The following FA2H variants were observed in gnomAD, a reference collection of about 807,000 sequenced individuals.
The protein encoded by FA2H is fatty acid alpha-hydroxylase.
FA2H carries 22 observed loss-of-function variants against 44.9 expected under a neutral mutation model. The observed-to-expected ratio is 0.49, with a 90% CI of 0.35 to 0.70. The LOEUF (loss-of-function observed/expected upper bound fraction) is 0.70. Among genes scored for constraint, FA2H ranks in the 30% least tolerant of loss-of-function variants. The pLI, the probability that FA2H is intolerant of heterozygous loss-of-function variation, is 0.01. For synonymous variants in FA2H, 243 were observed against 213.2 expected (o/e 1.14, Z -1.22); for missense variants, 501 against 504.9 (o/e 0.99, Z 0.07).
chr16:74,721,600 G>A (rs1961841520), intron 4 of FA2H, among the ~76,000 whole-genome samples: 1 of 152,096 alleles, frequency 6.6e-6, no homozygotes, highest in African/African-American at 2.4e-5. Context: ...CACAGCTGTG[G>A]GTCTGGCACC....
intron 1 of FA2H, among the ~76,000 whole-genome samples, chr16:74,745,799 A>ATTTTTTTTTTTTTTTTTTTTTTTTTT (rs11365398): frequency 5.5e-5 from 4 of 72,430 alleles, no homozygotes; most frequent in Non-Finnish European, 5.6e-5. Flanking sequence ...CTGTCAATGG[A>ATTTTTTTTTTTTTTTTTTTTTTTTTT]TTTTTTTTTT....
At chr16:74,740,137 G>A (rs1468074939) in intron 1 of FA2H, 22 bp from the exon 2 acceptor site, 3 of 1,585,820 alleles carry the variant, frequency 1.9e-6, no homozygotes, top group Admixed American at 3.3e-5. Context: ...AGATACAAGA[G>A]GATTATACAC....
intron 1 of FA2H, 112 bp from the exon 2 acceptor site, chr16:74,740,227 G>A: frequency 1.2e-6 from 1 of 825,516 alleles, no homozygotes; most frequent in South Asian, 1.3e-5. Flanking sequence ...CGTGGGTGGG[G>A]CAGGGTGGTG....
chr16:74,750,806 TC>T (rs1962514505), intron 1 of FA2H, among the ~76,000 whole-genome samples: 3 of 145,704 alleles, frequency 2.1e-5, no homozygotes, highest in Non-Finnish European at 4.6e-5. Context: ...AGACAGGGTC[TC>T]GCTCTGTCAG....
intron 1 of FA2H, among the ~76,000 whole-genome samples, chr16:74,746,486 G>A (rs1021249671): frequency 6.6e-6 from 1 of 151,620 alleles, no homozygotes; most frequent in African/African-American, 2.4e-5. Flanking sequence ...GGCTTCCTAA[G>A]GTGCTAGGAT....
intron 1 of FA2H, among the ~76,000 whole-genome samples, chr16:74,749,963 T>G (rs1962500508): frequency 6.6e-6 from 1 of 152,324 alleles, no homozygotes; most frequent in East Asian, 1.9e-4. Context: ...GGCCAGAGCT[T>G]GTCAGGGTAA....
In FA2H at chr16:74,739,691, T is replaced by G. The variant is rs572602091; in HGVS notation, c.363+332A>C. On this transcript the variant is annotated intron_variant, in intron 2 of 6. Coordinates refer to ENST00000219368, the MANE Select transcript of FA2H (RefSeq NM_024306.5). The stretch of plus-strand genomic sequence containing the variant: ...CCTTGTGCCCTGGTCAAAATGGGCA[T>G]GTCTGGGCCTGCCAAGCCTGTCACA... Among the ~76,000 whole-genome samples, 290 of 152,298 alleles carry G rather than the reference T, an allele frequency of 1.9e-3. 1 individual carries two copies. Among genetic ancestry groups the G allele is most frequent in the African/African-American group, 6.8e-3 (284 of 41,576 alleles).
chr16:74,718,060 A>G (rs1432728555), intron 5 of FA2H, among the ~76,000 whole-genome samples: 1 of 152,148 alleles, frequency 6.6e-6, no homozygotes, highest in East Asian at 1.9e-4. Context: ...AAAGCCCCCT[A>G]GGATGCAGAT....
At chr16:74,758,505 TCTA>T (rs1962653939) in intron 1 of FA2H, among the ~76,000 whole-genome samples, 1 of 152,106 alleles carries the variant, frequency 6.6e-6, no homozygotes, top group African/African-American at 2.4e-5. Context: ...ATAGAAAAAA[TCTA>T]CTCTAATTTT....
intron 1 of FA2H, among the ~76,000 whole-genome samples, chr16:74,770,417 A>AC (rs1291703067): frequency 1.3e-5 from 2 of 152,202 alleles, no homozygotes; most frequent in South Asian, 4.1e-4. Flanking sequence ...TTGCTCTGTC[A>AC]CCCAGGCTGG....
intron 1 of FA2H, among the ~76,000 whole-genome samples, chr16:74,740,661 ATAATAAT>A (rs1159451406): frequency 5.1e-4 from 74 of 144,512 alleles, no homozygotes; most frequent in East Asian, 1.2e-3. Context: ...AATAATAATA[ATAATAAT>A]AAAATTTCTG....
At chr16:74,762,358 G>GA (rs1962730169) in intron 1 of FA2H, among the ~76,000 whole-genome samples, 1 of 151,476 alleles carries the variant, frequency 6.6e-6, no homozygotes, top group South Asian at 2.1e-4. Context: ...AATTTTTTTG[G>GA]AAAAACCACA....
intron 4 of FA2H, among the ~76,000 whole-genome samples, chr16:74,719,422 G>A (rs1961780710): frequency 6.6e-6 from 1 of 152,242 alleles, no homozygotes; most frequent in African/African-American, 2.4e-5. Context: ...GCTGTGGGAG[G>A]AGTGGCTGTG....
At chr16:74,727,109 T>G in intron 3 of FA2H, 135 bp downstream of exon 3, 1 of 1,228,490 alleles carries the variant, frequency 8.1e-7, no homozygotes. Context: ...CCATGGCATG[T>G]TCCTCCCTCC....
At position 74,739,982 on chromosome 16, in the gene FA2H, C is replaced by T. The variant is rs775421691; in HGVS notation, c.363+41G>A. The T allele has an allele frequency of 7.5e-6, 11 of 1,459,708 alleles. No homozygotes were observed. The South Asian group carries it at 1.2e-4, about 17-fold the overall frequency. The allele number at this position is 1,459,708 out of a possible 1,614,324, so 90.4% of individuals were successfully genotyped here. A position where few individuals can be genotyped will look rare whatever the true frequency, so the allele number is the denominator to read the frequency against. ...ACCCTCTTCCTCTCCTCATTCCCGCCAGCCCCCAGTCATCACCCCACTCCA... is the reference window on the plus strand; with the variant it reads ...ACCCTCTTCCTCTCCTCATTCCCGCTAGCCCCCAGTCATCACCCCACTCCA... On this transcript the variant is annotated intron_variant, in intron 2 of 6. Transcript: ENST00000219368.
intron 1 of FA2H, among the ~76,000 whole-genome samples, chr16:74,744,602 C>A (rs972646246): frequency 1.3e-5 from 2 of 151,976 alleles, no homozygotes; most frequent in African/African-American, 4.8e-5. Context: ...TGGGTGTTCA[C>A]CATCATGCCC....
intron 2 of FA2H, among the ~76,000 whole-genome samples, chr16:74,734,293 A>G (rs1962137977): frequency 6.6e-6 from 1 of 152,222 alleles, no homozygotes; most frequent in South Asian, 2.1e-4. Context: ...GACGCTAGAG[A>G]GGCATGTCCA....
intron 1 of FA2H, among the ~76,000 whole-genome samples, chr16:74,759,085 C>A (rs1467011406): frequency 6.6e-6 from 1 of 152,198 alleles, no homozygotes; most frequent in East Asian, 1.9e-4. Context: ...GGTCTAGACT[C>A]ATGACATCTA....
intron 2 of FA2H, 127 bp from the exon 3 acceptor site, chr16:74,727,513 C>A: frequency 6.0e-6 from 6 of 992,380 alleles, no homozygotes; most frequent in Non-Finnish European, 9.4e-6. Context: ...GTGGGGCCAC[C>A]CACCCTCCTG....
Sources: allele counts gnomAD v4.1 joint callset (sites outside exome capture counted in the v4.1 genomes callset), GRCh38; gene constraint gnomAD v4.1.1; transcripts MANE v1.5; gene names NCBI Gene and HGNC (gene_info 2026-07-23, HGNC 2026-07-21).